Variants in CSMD1 observed in about 807,000 individuals in gnomAD.
CSMD1 encodes the protein CUB and sushi domain-containing protein 1.
Under a neutral mutation model 417.5 loss-of-function variants are expected in CSMD1, and 213 were observed. The observed-to-expected ratio is 0.51, with a 90% CI of 0.46 to 0.57. The LOEUF is 0.57. CSMD1 is among the 20% of genes least tolerant of loss of function. The pLI, the probability that CSMD1 is intolerant of heterozygous loss-of-function variation, is 0.00. For missense variants in CSMD1, 6,923 were observed against 4,529.7 expected (o/e 1.53, Z -15.17); for synonymous variants, 2,862 against 1,736.8 (o/e 1.65, Z -16.11).
rs184321484 is a variant in CSMD1, at chr8:4,422,887, C to G, written c.303-2822G>C. ...AAAGGTCCAATCTTTGAAAATTAAT[C>G]CATATAATCTGCAATATTAATGGGC... On this transcript the variant is annotated intron_variant, in intron 2 of 69. Transcript: ENST00000635120. Among the ~76,000 whole-genome samples, 420 of 151,960 alleles carry G rather than the reference C, an allele frequency of 2.8e-3. 1 individual carries two copies. Among genetic ancestry groups the G allele is most frequent in the Non-Finnish European group, 4.6e-3 (310 of 67,914 alleles).
At chr8:3,505,170 GAGTA>G (rs1281859634) in intron 10 of CSMD1, among the ~76,000 whole-genome samples, 1 of 152,164 alleles carries the variant, frequency 6.6e-6, no homozygotes, top group Non-Finnish European at 1.5e-5. Flanking sequence ...AAAGAGGGTA[GAGTA>G]AGTATTAAAA....
chr8:4,438,887 C>G (rs1427210510), intron 2 of CSMD1, among the ~76,000 whole-genome samples: 4 of 152,130 alleles, frequency 2.6e-5, no homozygotes, highest in Non-Finnish European at 2.9e-5. Flanking sequence ...ATTAGATTAC[C>G]AAAGACCAAC....
chr8:4,265,122 T>G (rs368743106), intron 3 of CSMD1, among the ~76,000 whole-genome samples: 1 of 152,170 alleles, frequency 6.6e-6, no homozygotes, highest in African/African-American at 2.4e-5. Context: ...TGAAAAACTG[T>G]CCTCTAACTT....
At chr8:4,454,451 C>T (rs139660976) in intron 2 of CSMD1, among the ~76,000 whole-genome samples, 24 of 152,326 alleles carry the variant, frequency 1.6e-4, no homozygotes, top group Admixed American at 7.2e-4. Flanking sequence ...GCTACACCGC[C>T]GTTTGAGTAT....
chr8:4,075,409 A>C (rs1165559964), intron 3 of CSMD1, among the ~76,000 whole-genome samples: 3 of 152,180 alleles, frequency 2.0e-5, no homozygotes, highest in African/African-American at 7.2e-5. Flanking sequence ...TGTTATTTTT[A>C]ATATCAAAAT....
At chr8:4,483,346 C>T (rs1801206791) in intron 2 of CSMD1, among the ~76,000 whole-genome samples, 1 of 152,146 alleles carries the variant, frequency 6.6e-6, no homozygotes, top group South Asian at 2.1e-4. Context: ...TGAAAATGAA[C>T]AAATACACCA....
At chr8:3,128,791 T>C (rs979012233) in intron 41 of CSMD1, 2 of 431,718 alleles carry the variant, frequency 4.6e-6, no homozygotes. Flanking sequence ...AAACATGTTG[T>C]TTCGAGTTTT....
Position 4,221,367 on chromosome 8 carries a change from A to T in CSMD1, c.416-189268T>A, listed in dbSNP as rs183690401. Among the ~76,000 whole-genome samples the T allele has an allele frequency of 2.1e-3, 278 of 129,762 alleles. 2 individuals are homozygous for T. The highest frequency in any genetic ancestry group is 8.8e-3 in the African/African-American group (268 of 30,436). 85.1% of individuals were successfully genotyped at this position (129,762 alleles called of 152,430 possible). A position where few individuals can be genotyped will look rare whatever the true frequency, so the allele number is the denominator to read the frequency against. On this transcript the variant is annotated intron_variant, in intron 3 of 69. Transcript: ENST00000635120. ...AAGGCACAAAGAAGCCCATCTCTAC[A>T]AGGAAAGTGAGAAAAAAAAAAAAAA... is the stretch of plus-strand genomic sequence containing the variant.
At chr8:3,525,930 C>A (rs924417151) in intron 10 of CSMD1, among the ~76,000 whole-genome samples, 18 of 152,274 alleles carry the variant, frequency 1.2e-4, no homozygotes, top group Admixed American at 1.0e-3. Context: ...AATCGTATTA[C>A]ATGCATTGTT....
intron 7 of CSMD1, among the ~76,000 whole-genome samples, chr8:3,664,239 T>C (rs1325271718): frequency 1.3e-5 from 2 of 152,172 alleles, no homozygotes; most frequent in Non-Finnish European, 2.9e-5. Flanking sequence ...TGTGTTCAAG[T>C]GTTCTCATTG....
chr8:4,535,480 T>A (rs1797056835), intron 2 of CSMD1, among the ~76,000 whole-genome samples: 1 of 152,156 alleles, frequency 6.6e-6, no homozygotes, highest in Non-Finnish European at 1.5e-5. Context: ...TTTGATGAAG[T>A]ATATGTGTTT....
At chr8:3,327,970 T>C (rs987402745) in intron 23 of CSMD1, among the ~76,000 whole-genome samples, 1 of 152,084 alleles carries the variant, frequency 6.6e-6, no homozygotes, top group Admixed American at 6.5e-5. Context: ...CCAGAATGCA[T>C]CTCTGTGTAT....
chr8:4,042,558 C>T (rs569051052), intron 3 of CSMD1, among the ~76,000 whole-genome samples: 1 of 151,990 alleles, frequency 6.6e-6, no homozygotes, highest in South Asian at 2.1e-4. Flanking sequence ...ATGAGTCATT[C>T]CAGCGGAAGG....
chr8:3,472,105 C>G (rs1370983528), intron 11 of CSMD1, among the ~76,000 whole-genome samples: 1 of 152,080 alleles, frequency 6.6e-6, no homozygotes, highest in Non-Finnish European at 1.5e-5. Flanking sequence ...GGCTTGTTGT[C>G]ATTGCTCCCT....
chr8:3,676,530 A>G (rs903019314), intron 7 of CSMD1, among the ~76,000 whole-genome samples: 2 of 152,232 alleles, frequency 1.3e-5, no homozygotes, highest in Non-Finnish European at 2.9e-5. Context: ...TATAGATCTT[A>G]AATATATCCG....
intron 5 of CSMD1, among the ~76,000 whole-genome samples, chr8:3,833,147 C>A (rs935753195): frequency 6.6e-6 from 1 of 152,108 alleles, no homozygotes; most frequent in South Asian, 2.1e-4. Flanking sequence ...AACTTCCTCT[C>A]TTTAAAATTT....
intron 12 of CSMD1, among the ~76,000 whole-genome samples, chr8:3,418,585 T>C (rs534380508): frequency 6.6e-6 from 1 of 152,178 alleles, no homozygotes; most frequent in Non-Finnish European, 1.5e-5. Flanking sequence ...GAGCTGAAGA[T>C]TCAGATCCAA....
chr8:3,404,179 C>A (rs1453723788), intron 15 of CSMD1, among the ~76,000 whole-genome samples: 1 of 151,996 alleles, frequency 6.6e-6, no homozygotes, highest in Non-Finnish European at 1.5e-5. Flanking sequence ...ACTAAAAATA[C>A]AAAAATTAGC....
chr8:4,343,947 T>G lies in CSMD1; in HGVS notation c.415+76006A>C, dbSNP rs144808585. ...AAGAGAAGTGTTTTAAAAATTATAA[T>G]AAGTATTTTCATATATACAATAAAT... On this transcript the variant is annotated intron_variant, in intron 3 of 69. Coordinates refer to ENST00000635120, the MANE Select transcript of CSMD1 (RefSeq NM_033225.6). Among the ~76,000 whole-genome samples, 577 of 152,120 alleles carry G rather than the reference T, an allele frequency of 3.8e-3. 4 individuals carry two copies. Among genetic ancestry groups the G allele is most frequent in the African/African-American group, 0.013 (548 of 41,556 alleles).
Sources: allele counts gnomAD v4.1 joint callset (sites outside exome capture counted in the v4.1 genomes callset), GRCh38; gene constraint gnomAD v4.1.1; transcripts MANE v1.5; gene names NCBI Gene and HGNC (gene_info 2026-07-23, HGNC 2026-07-21).